The following GOLGA7B variants were observed in gnomAD, a reference collection of about 807,000 sequenced individuals.
GOLGA7B encodes golgin A7 family member B, also known as golgin subfamily A member 7B.
GOLGA7B carries 17 observed loss-of-function variants against 21.5 expected under a neutral mutation model. The ratio of observed to expected loss-of-function variants is 0.79; its 90% confidence interval spans 0.54 to 1.19. The LOEUF is 1.19. Ranked by LOEUF, GOLGA7B falls within the 50% of genes most tolerant of loss-of-function variation. The pLI is 0.00. For missense variants in GOLGA7B, 169 were observed against 224.4 expected (o/e 0.75, Z 1.58); for synonymous variants, 87 against 84.0 (o/e 1.04, Z -0.19).
chr10:97,858,274 A>G (rs2049948657), intron 1 of GOLGA7B, among the ~76,000 whole-genome samples: 1 of 151,974 alleles, frequency 6.6e-6, no homozygotes, highest in Non-Finnish European at 1.5e-5. Flanking sequence ...TTCATTATAT[A>G]TTTACTTGTC....
chr10:97,864,325 C>T (rs2049995451), intron 4 of GOLGA7B, 56 bp downstream of exon 4: 20 of 1,462,064 alleles, frequency 1.4e-5, no homozygotes. Flanking sequence ...CAGTAGAGAT[C>T]CTGGTGAGGC....
At chr10:97,856,226 C>A (rs573526131) in intron 1 of GOLGA7B, among the ~76,000 whole-genome samples, 1 of 152,242 alleles carries the variant, frequency 6.6e-6, no homozygotes, top group Non-Finnish European at 1.5e-5. Flanking sequence ...AACCCTCACC[C>A]CCTCCCCTCT....
intron 2 of GOLGA7B, among the ~76,000 whole-genome samples, chr10:97,860,789 T>G (rs1411120331): frequency 1.3e-5 from 2 of 152,196 alleles, no homozygotes; most frequent in Non-Finnish European, 2.9e-5. Context: ...CTTCTCATCC[T>G]TGGCTACACC....
At chr10:97,854,350 G>T (rs894891170) in intron 1 of GOLGA7B, among the ~76,000 whole-genome samples, 1 of 151,676 alleles carries the variant, frequency 6.6e-6, no homozygotes, top group Admixed American at 6.5e-5. Context: ...CAGGTCTCCT[G>T]CCCCCAGGTC....
chr10:97,859,547 G>A lies in GOLGA7B; in HGVS notation c.102G>A (p.Gln34=). The change falls in exon 2 of 5, where the codon CAG becomes CAA. Residue 34 remains glutamine (Q), a synonymous_variant. Transcript: ENST00000370602. ...QRDYSDGTIC[Q]FQTKFPPELD... is the part of the protein sequence containing the mutation. ...ACTACAGCGATGGGACCATCTGTCA[G>A]TTCCAGACCAAATTCCCCCCAGAGC... 2 of 1,614,160 alleles carry A rather than the reference G, an allele frequency of 1.2e-6. No homozygotes were observed. Among genetic ancestry groups the A allele is most frequent in the Non-Finnish European group, 1.7e-6 (2 of 1,180,008 alleles).
At chr10:97,851,964 T>C (rs910239994) in intron 1 of GOLGA7B, among the ~76,000 whole-genome samples, 1 of 152,250 alleles carries the variant, frequency 6.6e-6, no homozygotes, top group Non-Finnish European at 1.5e-5. Flanking sequence ...ATAAGTGATC[T>C]CTTTCAAGCC....
Position 97,863,820 on chromosome 10 carries a change from A to G in GOLGA7B, c.139-110A>G, listed in dbSNP as rs980828855. The stretch of plus-strand genomic sequence containing the variant: ...CCTCTTTGGTCTTGCCTGTGTGCCA[A>G]TGTCATCTTCCCCATCTACATGGCC... On this transcript the variant is annotated intron_variant, in intron 2 of 4. Transcript: ENST00000370602. 4.4e-5 allele frequency: 54 copies of G among 1,218,284 alleles called. No homozygotes were observed. The African/African-American group carries it at 5.3e-4, about 12-fold the overall frequency. The allele number at this position is 1,218,284 out of a possible 1,614,324, so 75.5% of individuals were successfully genotyped here.
At chr10:97,856,840 T>A (rs2049938201) in intron 1 of GOLGA7B, among the ~76,000 whole-genome samples, 1 of 152,318 alleles carries the variant, frequency 6.6e-6, no homozygotes, top group African/African-American at 2.4e-5. Context: ...TTGATGTTGA[T>A]CATTTTTCAT....
intron 1 of GOLGA7B, among the ~76,000 whole-genome samples, chr10:97,854,239 A>AG (rs1457272743): frequency 6.6e-6 from 1 of 152,240 alleles, no homozygotes; most frequent in Non-Finnish European, 1.5e-5. Flanking sequence ...CAGAGATGAA[A>AG]GGGGCTTGAG....
chr10:97,861,815 G>A (rs140152347), intron 2 of GOLGA7B, among the ~76,000 whole-genome samples: 24 of 152,348 alleles, frequency 1.6e-4, no homozygotes, highest in African/African-American at 2.6e-4. Flanking sequence ...CCTTTAGGGC[G>A]GGGTGACCCC....
Position 97,870,076 on chromosome 10 carries a change from G to A in GOLGA7B, c.*4376G>A, listed in dbSNP as rs1294589343. On this transcript the variant is annotated 3_prime_UTR_variant, in exon 5 of 5. Transcript: ENST00000370602. Reference sequence around the variant, plus strand: ...ATATCTCACAGAGTTGTTTAGACCCGAGGCGTTCAACCTTGGTGGCAATGG... The same window carrying A: ...ATATCTCACAGAGTTGTTTAGACCCAAGGCGTTCAACCTTGGTGGCAATGG... 1.3e-5 allele frequency: 2 copies of A among 152,202 alleles called. No homozygotes were observed. The highest frequency in any genetic ancestry group is 2.4e-5 in the African/African-American group (1 of 41,452). The allele number at this position is 152,202 out of a possible 1,614,324, so 9.4% of individuals were successfully genotyped here. A position where few individuals can be genotyped will look rare whatever the true frequency, so the allele number is the denominator to read the frequency against.
chr10:97,858,870 G>GCC (rs2049952994), intron 1 of GOLGA7B, among the ~76,000 whole-genome samples: 2 of 152,242 alleles, frequency 1.3e-5, no homozygotes, highest in Non-Finnish European at 2.9e-5. Flanking sequence ...CAACTCTGTT[G>GCC]TGAGCTCCAC....
At chr10:97,854,677 C>T (rs1039485684) in intron 1 of GOLGA7B, among the ~76,000 whole-genome samples, 1 of 152,210 alleles carries the variant, frequency 6.6e-6, no homozygotes, top group Non-Finnish European at 1.5e-5. Context: ...AGGGTGTTGA[C>T]TTATCCTACT....
chr10:97,859,855 A>G (rs1238509297), intron 2 of GOLGA7B, among the ~76,000 whole-genome samples: 2 of 152,196 alleles, frequency 1.3e-5, no homozygotes, highest in Non-Finnish European at 2.9e-5. Context: ...TGATATAGAG[A>G]GCTTGTTAAA....
intron 1 of GOLGA7B, among the ~76,000 whole-genome samples, chr10:97,851,085 T>G (rs1440118585): frequency 6.6e-6 from 1 of 152,130 alleles, no homozygotes; most frequent in Non-Finnish European, 1.5e-5. Context: ...AGGAGGGAGA[T>G]TGGGCTCTTT....
In GOLGA7B at chr10:97,864,279, T is replaced by C; in HGVS notation, c.393+10T>C. The C allele has an allele frequency of 6.2e-7, 1 of 1,609,068 alleles. No homozygotes were observed. The highest frequency in any genetic ancestry group is 8.5e-7 in the Non-Finnish European group (1 of 1,175,378). ...GCGTGGGATGAGGGTTGTATCCTTC[T>C]GGGCTATTCTGTGTTGAGGGCACAG... is the stretch of plus-strand genomic sequence containing the variant. On this transcript the variant is annotated intron_variant, in intron 4 of 4. Coordinates refer to ENST00000370602, the MANE Select transcript of GOLGA7B (RefSeq NM_001010917.3).
At chr10:97,854,191 A>C (rs2049921396) in intron 1 of GOLGA7B, among the ~76,000 whole-genome samples, 1 of 152,178 alleles carries the variant, frequency 6.6e-6, no homozygotes. Flanking sequence ...CCCTGTAAAC[A>C]TTTGCATTCA....
chr10:97,850,470 G>C (rs1286996822), intron 1 of GOLGA7B, among the ~76,000 whole-genome samples, 155 bp downstream of exon 1: 3 of 152,044 alleles, frequency 2.0e-5, no homozygotes, highest in African/African-American at 7.2e-5. Context: ...GGCTTAGTGA[G>C]GGCTCATCTC....
intron 1 of GOLGA7B, among the ~76,000 whole-genome samples, chr10:97,855,496 A>G (rs1431420441): frequency 6.6e-6 from 1 of 152,080 alleles, no homozygotes; most frequent in Non-Finnish European, 1.5e-5. Flanking sequence ...TGCTTTTCTC[A>G]CCACCTCTTT....
Sources: gnomAD v4.1 joint callset for allele counts (sites outside exome capture counted in the v4.1 genomes callset) on GRCh38, gnomAD v4.1.1 for gene constraint, MANE v1.5 for transcripts, NCBI Gene and HGNC (gene_info 2026-07-23, HGNC 2026-07-21) for gene names.